Variants in CDK5RAP2 observed in about 807,000 individuals in gnomAD.
CDK5RAP2 encodes the protein CDK5 regulatory subunit-associated protein 2.
CDK5RAP2 carries 147 observed loss-of-function variants against 232.9 expected under a neutral mutation model. That is an observed-to-expected ratio of 0.63 (90% CI 0.55 to 0.72). The LOEUF (loss-of-function observed/expected upper bound fraction) is 0.72, where lower values mean the gene tolerates loss of function less well. Among genes scored for constraint, CDK5RAP2 ranks in the 30% least tolerant of loss-of-function variants. CDK5RAP2 has a pLI of 0.00. For synonymous variants in CDK5RAP2, 833 were observed against 833.7 expected, an observed-to-expected ratio of 1.00 and a Z score of 0.01; for missense variants, 2,195 against 2,231.5, an observed-to-expected ratio of 0.98 and a Z score of 0.33.
chr9:120,567,925 G>C (rs968979318), intron 3 of CDK5RAP2, among the ~76,000 whole-genome samples: 1 of 152,202 alleles, frequency 6.6e-6, no homozygotes. Flanking sequence ...CTCAAAGGTT[G>C]CAGTGAGCAT....
intron 32 of CDK5RAP2, among the ~76,000 whole-genome samples, chr9:120,404,495 T>C (rs984622444): frequency 1.3e-5 from 2 of 152,200 alleles, no homozygotes; most frequent in Non-Finnish European, 1.5e-5. Context: ...GACTGACCTA[T>C]GGTAAGAAGG....
intron 11 of CDK5RAP2, among the ~76,000 whole-genome samples, chr9:120,523,811 CATG>C (rs1272592883): frequency 2.0e-5 from 3 of 152,042 alleles, no homozygotes; most frequent in Non-Finnish European, 4.4e-5. Flanking sequence ...AAACTAGAAA[CATG>C]ATAAGAAACA....
chr9:120,487,515 G>A (rs2038678375), intron 13 of CDK5RAP2, 78 bp from the exon 14 acceptor site: 2 of 1,136,430 alleles, frequency 1.8e-6, no homozygotes, highest in Admixed American at 5.3e-5. Flanking sequence ...ACTCCTTAAG[G>A]AAAAATATTT....
chr9:120,509,601 A>C (rs999896068), intron 12 of CDK5RAP2, among the ~76,000 whole-genome samples: 1 of 152,204 alleles, frequency 6.6e-6, no homozygotes, highest in African/African-American at 2.4e-5. Flanking sequence ...CCACTATTCC[A>C]AAGATGGCCA....
chr9:120,390,498 C>T (rs913555244), intron 36 of CDK5RAP2, among the ~76,000 whole-genome samples: 5 of 152,186 alleles, frequency 3.3e-5, no homozygotes, highest in Non-Finnish European at 7.4e-5. Context: ...AAAGATCCCC[C>T]GTGCATGAGA....
At chr9:120,420,016 G>A in intron 26 of CDK5RAP2, 56 bp from the exon 27 acceptor site, 3 of 1,409,244 alleles carry the variant, frequency 2.1e-6, no homozygotes, top group Non-Finnish European at 2.0e-6. Flanking sequence ...CCCAAGCCAG[G>A]ACTATGACTT....
rs2033613960 is a variant in CDK5RAP2 at position 120,408,277 on chromosome 9, C to T, written c.4726+70G>A. The T allele has an allele frequency of 3.1e-6, 5 of 1,598,800 alleles. No individual in the cohort carries two copies. The East Asian group carries it at 1.1e-4, about 36-fold the overall frequency. ...AGGGCTGAGCTCTGCCCTCCTGTGC[C>T]TACAGCCAGCTGTCGGGTGGTCTTA... On this transcript the variant is annotated intron_variant, in intron 31 of 37. Coordinates refer to ENST00000349780, the MANE Select transcript of CDK5RAP2 (RefSeq NM_018249.6).
intron 7 of CDK5RAP2, among the ~76,000 whole-genome samples, chr9:120,530,986 C>G (rs947152795): frequency 5.9e-5 from 9 of 151,508 alleles, no homozygotes; most frequent in African/African-American, 1.7e-4. Context: ...TGCACATGTA[C>G]CCTAAAACAA....
At chr9:120,494,870 G>A (rs571310044) in intron 12 of CDK5RAP2, among the ~76,000 whole-genome samples, 505 of 127,550 alleles carry the variant, frequency 4.0e-3, no homozygotes, top group African/African-American at 0.018. Flanking sequence ...GCTGCGCTGC[G>A]GCCCGGGGCA....
chr9:120,508,763 C>G (rs1371358277), intron 12 of CDK5RAP2, among the ~76,000 whole-genome samples: 1 of 152,260 alleles, frequency 6.6e-6, no homozygotes, highest in East Asian at 1.9e-4. Context: ...CTCCCTCCCT[C>G]TCTGGTCTAT....
At chr9:120,549,976 T>C (rs747489620) in intron 4 of CDK5RAP2, among the ~76,000 whole-genome samples, 5 of 152,204 alleles carry the variant, frequency 3.3e-5, no homozygotes, top group Non-Finnish European at 7.3e-5. Context: ...AGGAGAGTTC[T>C]TTTTCCTCCT....
intron 13 of CDK5RAP2, among the ~76,000 whole-genome samples, chr9:120,489,447 C>CCTGTT (rs113635464): frequency 0.07 from 10,575 of 152,100 alleles, 1,161 homozygotes; most frequent in African/African-American, 0.24. Flanking sequence ...CTCTGTTTTG[C>CCTGTT]CTGTCTTTCT....
intron 28 of CDK5RAP2, among the ~76,000 whole-genome samples, chr9:120,413,837 A>AGGAG (rs971689366): frequency 2.9e-5 from 4 of 137,680 alleles, no homozygotes; most frequent in East Asian, 2.5e-4. Context: ...GGGAGGAGGG[A>AGGAG]GGAGGGAAGG....
intron 7 of CDK5RAP2, among the ~76,000 whole-genome samples, chr9:120,533,726 A>G (rs2041258557): frequency 6.7e-6 from 1 of 149,954 alleles, no homozygotes; most frequent in Non-Finnish European, 1.5e-5. Context: ...TGAACCTGGG[A>G]AGCTGAGGTT....
At chr9:120,578,724 G>T (rs963741043) in intron 1 of CDK5RAP2, among the ~76,000 whole-genome samples, 3 of 151,926 alleles carry the variant, frequency 2.0e-5, no homozygotes, top group Admixed American at 1.3e-4. Context: ...ATGCCACCAC[G>T]CCTGGCTAAT....
At chr9:120,442,349 TC>T (rs2035948497) in intron 23 of CDK5RAP2, among the ~76,000 whole-genome samples, 1 of 152,140 alleles carries the variant, frequency 6.6e-6, no homozygotes, top group African/African-American at 2.4e-5. Flanking sequence ...TTCTTAACCC[TC>T]AATGTGAAGG....
chr9:120,413,830 AGGAG>A (rs111878508), intron 28 of CDK5RAP2, among the ~76,000 whole-genome samples: 3 of 93,234 alleles, frequency 3.2e-5, no homozygotes, highest in Non-Finnish European at 6.3e-5. Flanking sequence ...GGGAGGAGGG[AGGAG>A]GGAGGAGGGA....
chr9:120,545,437 G>C (rs1025422294), intron 5 of CDK5RAP2, among the ~76,000 whole-genome samples: 1 of 152,190 alleles, frequency 6.6e-6, no homozygotes, highest in African/African-American at 2.4e-5. Context: ...GCTTCTGGGG[G>C]GCTGGCATGT....
chr9:120,448,673 C>A (rs998183624), intron 21 of CDK5RAP2, among the ~76,000 whole-genome samples: 2 of 152,194 alleles, frequency 1.3e-5, no homozygotes, highest in Non-Finnish European at 2.9e-5. Context: ...GTCTCCGCTG[C>A]AAATCTACGC....
Sources: allele counts gnomAD v4.1 joint callset (sites outside exome capture counted in the v4.1 genomes callset), GRCh38; gene constraint gnomAD v4.1.1; transcripts MANE v1.5; gene names NCBI Gene and HGNC (gene_info 2026-07-23, HGNC 2026-07-21).